CCP110: variants seen among roughly 807,000 people sequenced by gnomAD.
CCP110 encodes centriolar coiled-coil protein of 110 kDa.
In CCP110, 43 loss-of-function variants were observed where a neutral mutation model predicts 105.5. The observed-to-expected ratio is 0.41, with a 90% CI of 0.32 to 0.53. CCP110 has a LOEUF of 0.53. CCP110 is among the 20% of genes least tolerant of loss of function. CCP110 has a pLI of 0.32. For missense variants in CCP110, 1,016 were observed against 1,189.1 expected, an observed-to-expected ratio of 0.85 and a Z score of 2.14; for synonymous variants, 353 against 392.1, an observed-to-expected ratio of 0.90 and a Z score of 1.18.
intron 8 of CCP110, among the ~76,000 whole-genome samples, chr16:19,543,700 C>T (rs1970366121): frequency 6.6e-6 from 1 of 152,066 alleles, no homozygotes; most frequent in African/African-American, 2.4e-5. Context: ...GAATGCATCC[C>T]TGGGGGGAGG....
At chr16:19,551,662 T>A (rs549377775) in exon 15 of CCP110, 2 of 156,284 alleles carry the variant, frequency 1.3e-5, no homozygotes, top group East Asian at 3.7e-4. Flanking sequence ...TTTTTGAATT[T>A]GATTCAAAGG....
In CCP110 at chr16:19,551,524, A is replaced by G. The variant is rs73529809; in HGVS notation, c.*276A>G. 1,025 of 376,098 alleles carry G rather than the reference A, an allele frequency of 2.7e-3. 9 individuals are homozygous for G. Among genetic ancestry groups the G allele is most frequent in the African/African-American group, 0.019 (905 of 48,180 alleles). The allele number at this position is 376,098 out of a possible 1,614,324, so 23.3% of individuals were successfully genotyped here. A position where few individuals can be genotyped will look rare whatever the true frequency, so the allele number is the denominator to read the frequency against. ...AAACATAAGTTTATTTTATATGCCC[A>G]GATGTCTACAGAGACCCTTTTTGTA... is the stretch of plus-strand genomic sequence containing the variant. On this transcript the variant is annotated 3_prime_UTR_variant, in exon 15 of 15. Transcript: ENST00000381396.
intron 2 of CCP110, among the ~76,000 whole-genome samples, chr16:19,529,366 G>A (rs1376819366): frequency 6.6e-6 from 1 of 152,050 alleles, no homozygotes; most frequent in Non-Finnish European, 1.5e-5. Context: ...CAGGAGTTAA[G>A]AGATTAATTT....
intron 12 of CCP110, 48 bp downstream of exon 12, chr16:19,546,522 GA>G (rs112602419): frequency 5.5e-4 from 597 of 1,085,074 alleles, no homozygotes; most frequent in Non-Finnish European, 5.9e-4. Flanking sequence ...GTTTTTTATA[GA>G]AAAAAAAAAT....
intron 14 of CCP110, 38 bp from the exon 14 acceptor site, chr16:19,551,158 C>A: frequency 8.1e-7 from 1 of 1,235,114 alleles, no homozygotes. Context: ...TAGAAAACCT[C>A]CCATTGAGAA....
rs1164690143 is a variant in CCP110 at position 19,538,302 on chromosome 16, C to CTTTTTT, written c.1918+738_1918+743dup. Among the ~76,000 whole-genome samples the CTTTTTT allele has an allele frequency of 1.8e-3, 99 of 55,246 alleles. 17 individuals are homozygous for CTTTTTT. Among genetic ancestry groups the CTTTTTT allele is most frequent in the East Asian group, 2.8e-3 (4 of 1,438 alleles). The allele number at this position is 55,246 out of a possible 152,430, so 36.2% of individuals were successfully genotyped here. On this transcript the variant is annotated intron_variant, in intron 4 of 14. Coordinates refer to ENST00000381396, the Ensembl canonical transcript of CCP110. Reference sequence around the variant, plus strand: ...ATATTAATAATTGGAGGAAACAGTTCTTTTTTTTTTTTTTTTTTTTTTTTT... The same window carrying CTTTTTT: ...ATATTAATAATTGGAGGAAACAGTTCTTTTTTTTTTTTTTTTTTTTTTTTTTTTTTT...
rs139797706 is a variant in CCP110 at position 19,541,294 on chromosome 16, G to T, written c.2049+507G>T. On this transcript the variant is annotated intron_variant, in intron 5 of 14. Transcript: ENST00000381396. ...AAGAAAAAAAAAAAGAACGACACTT[G>T]TTATAATATTATTATAATTAATAAT... Among the ~76,000 whole-genome samples the T allele has an allele frequency of 6.0e-5, 9 of 151,222 alleles. No individual in the cohort carries two copies. The East Asian group carries it at 1.8e-3, about 30-fold the overall frequency.
chr16:19,537,304 T>C (rs1245125922), exon 4 of CCP110: 56 of 1,614,058 alleles, frequency 3.5e-5, no homozygotes, highest in East Asian at 2.9e-4. Flanking sequence ...ATAAGTCTTA[T>C]GATGTAAAAA....
At chr16:19,547,659 A>G in intron 12 of CCP110, 1 of 235,574 alleles carries the variant, frequency 4.2e-6, no homozygotes, top group Non-Finnish European at 8.1e-6. Context: ...TTGAAGGGAA[A>G]AGTTAGCTTT....
intron 8 of CCP110, 89 bp downstream of exon 8, chr16:19,543,083 T>G (rs1970344436): frequency 1.3e-6 from 1 of 762,258 alleles, no homozygotes; most frequent in Admixed American, 2.4e-5. Flanking sequence ...AGTTCAGAAC[T>G]TAAACGCTTT....
chr16:19,552,385 G>C (rs1055302955), exon 15 of CCP110: 1 of 152,086 alleles, frequency 6.6e-6, no homozygotes, highest in African/African-American at 2.4e-5. Context: ...ACAAAAATTA[G>C]GCATGGTGGT....
intron 14 of CCP110, 75 bp from the exon 14 acceptor site, chr16:19,551,121 G>A (rs1168345502): frequency 2.3e-6 from 2 of 876,396 alleles, no homozygotes; most frequent in Non-Finnish European, 3.9e-6. Flanking sequence ...TTGTTCCAGA[G>A]TAAAAACTCA....
Position 19,537,596 on chromosome 16 carries a change from TCTTTGAAGCGTTTGATAC to T in CCP110, c.1918+13_1918+30del. On this transcript the variant is annotated intron_variant, in intron 4 of 14. Transcript: ENST00000381396. ...AGGAACTAGTTCCAAAGGTAAGGAA[TCTTTGAAGCGTTTGATAC>T]CTTCTATGCAGATACCTTTATTTTA... 6.8e-7 allele frequency: 1 copy of T among 1,473,882 alleles called. No homozygotes were observed. 91.3% of individuals were successfully genotyped at this position (1,473,882 alleles called of 1,614,324 possible).
At chr16:19,546,609 G>T (rs747603304) in intron 12 of CCP110, 135 bp downstream of exon 12, 1 of 547,452 alleles carries the variant, frequency 1.8e-6, no homozygotes, top group Non-Finnish European at 3.3e-6. Flanking sequence ...CTGAGGTCGG[G>T]AGTTTGAGAC....
chr16:19,529,719 A>C (rs949077630), intron 2 of CCP110, among the ~76,000 whole-genome samples: 2 of 152,208 alleles, frequency 1.3e-5, no homozygotes, highest in Non-Finnish European at 2.9e-5. Flanking sequence ...ACATCTTAAG[A>C]AAACTAATAA....
chr16:19,529,543 T>G (rs1206264838), intron 2 of CCP110, among the ~76,000 whole-genome samples: 2 of 152,206 alleles, frequency 1.3e-5, no homozygotes, highest in Non-Finnish European at 2.9e-5. Flanking sequence ...CTTTATTGTG[T>G]TTGTGATTTT....
chr16:19,537,160 C>T (rs780717752), exon 4 of CCP110: 5 of 1,614,174 alleles, frequency 3.1e-6, no homozygotes, highest in Non-Finnish European at 4.2e-6. Context: ...TGAACAGTAC[C>T]TGTGCTGCGA....
intron 4 of CCP110, among the ~76,000 whole-genome samples, chr16:19,538,839 C>A (rs35569797): frequency 6.6e-6 from 1 of 151,736 alleles, no homozygotes; most frequent in South Asian, 2.1e-4. Context: ...TAGGCCGGCG[C>A]GGTTGCTTAC....
At chr16:19,537,114 G>A (rs1970095696) in exon 4 of CCP110, 1 of 1,614,146 alleles carries the variant, frequency 6.2e-7, no homozygotes, top group Admixed American at 1.7e-5. Flanking sequence ...ACTGTGGAAG[G>A]TCAGTTAACA....
Sources: allele counts gnomAD v4.1 joint callset (sites outside exome capture counted in the v4.1 genomes callset), GRCh38; gene constraint gnomAD v4.1.1; transcripts MANE v1.5; gene names NCBI Gene and HGNC (gene_info 2026-07-23, HGNC 2026-07-21).